Variants in SLC30A9 observed in about 807,000 individuals in gnomAD.
SLC30A9 encodes the protein proton-coupled zinc antiporter SLC30A9, mitochondrial.
A neutral mutation model predicts 87.5 loss-of-function variants in SLC30A9; 58 were observed. The observed-to-expected ratio is 0.66, with a 90% confidence interval of 0.54 to 0.82. SLC30A9 has a LOEUF of 0.82. SLC30A9 is among the 40% of genes least tolerant of loss of function. SLC30A9 has a pLI of 0.00. For missense variants in SLC30A9, 557 were observed against 679.1 expected, an observed-to-expected ratio of 0.82 and a Z score of 2.00; for synonymous variants, 234 against 233.0, an observed-to-expected ratio of 1.00 and a Z score of -0.04.
intron 8 of SLC30A9, among the ~76,000 whole-genome samples, chr4:42,044,921 G>A (rs960102574): frequency 5.3e-5 from 8 of 152,018 alleles, no homozygotes; most frequent in East Asian, 1.9e-4. Flanking sequence ...TCAAAACCGC[G>A]CAACTACATG....
intron 8 of SLC30A9, among the ~76,000 whole-genome samples, chr4:42,043,262 C>T (rs1209028500): frequency 2.6e-5 from 4 of 152,070 alleles, no homozygotes; most frequent in Non-Finnish European, 4.4e-5. Flanking sequence ...TGGGTAATAA[C>T]AAACTCCTCC....
In SLC30A9 at chr4:42,070,752, C is replaced by G. The variant is rs568870417; in HGVS notation, c.1418+61C>G. ...AAAAACATATTAAAAAACAGAAATG[C>G]CTGGTTTGTAAATACTTCCAGAGGA... On this transcript the variant is annotated intron_variant, in intron 15 of 17. Transcript: ENST00000264451. 21 of 1,402,006 alleles carry G rather than the reference C, an allele frequency of 1.5e-5. No homozygotes were observed. In the African/African-American group the frequency reaches 3.0e-4, roughly 20 times the overall value. 86.8% of individuals were successfully genotyped at this position (1,402,006 alleles called of 1,614,324 possible).
rs994290139 is a variant in SLC30A9 at position 42,087,126 on chromosome 4, A to G, written c.*1000A>G. ...GAAACTCATGGTCATGATTTTGTAT[A>G]ATATAGTTCATACTGTGTCTGTGAG... On this transcript the variant is annotated 3_prime_UTR_variant, in exon 18 of 18. Coordinates refer to ENST00000264451, the MANE Select transcript of SLC30A9 (RefSeq NM_006345.4). 6.6e-6 allele frequency: 1 copy of G among 152,162 alleles called. No homozygotes were observed. Among genetic ancestry groups the G allele is most frequent in the African/African-American group, 2.4e-5 (1 of 41,430 alleles). The allele number at this position is 152,162 out of a possible 1,614,324, so 9.4% of individuals were successfully genotyped here.
intron 15 of SLC30A9, among the ~76,000 whole-genome samples, chr4:42,071,477 A>G (rs987214293): frequency 6.6e-6 from 1 of 152,134 alleles, no homozygotes; most frequent in Non-Finnish European, 1.5e-5. Flanking sequence ...TTTAATCTTG[A>G]AAAGTAACTA....
chr4:42,046,692 A>G (rs1717167641), intron 8 of SLC30A9, among the ~76,000 whole-genome samples: 3 of 152,326 alleles, frequency 2.0e-5, no homozygotes, highest in Admixed American at 1.3e-4. Context: ...ATCCCCATCA[A>G]GCTACCATTG....
At chr4:42,033,616 C>T (rs1346663671) in intron 6 of SLC30A9, among the ~76,000 whole-genome samples, 1 of 152,062 alleles carries the variant, frequency 6.6e-6, no homozygotes, top group African/African-American at 2.4e-5. Flanking sequence ...CGCTCTGTGG[C>T]CCAGGCTGGA....
chr4:42,086,510 T>A lies in SLC30A9; in HGVS notation c.*384T>A, dbSNP rs1236522764. ...CATAGGATCATGATTTTTAATTTGT[T>A]GCCTCTGAAGATTTCACTCCATCAA... On this transcript the variant is annotated 3_prime_UTR_variant, in exon 18 of 18. Transcript: ENST00000264451. The A allele has an allele frequency of 6.3e-6, 1 of 159,436 alleles. No individual in the cohort carries two copies. The highest frequency in any genetic ancestry group is 1.4e-5 in the Non-Finnish European group (1 of 72,530). 9.9% of individuals were successfully genotyped at this position (159,436 alleles called of 1,614,324 possible). A position where few individuals can be genotyped will look rare whatever the true frequency, so the allele number is the denominator to read the frequency against.
At chr4:42,029,429 G>C in intron 6 of SLC30A9, 1 of 576,200 alleles carries the variant, frequency 1.7e-6, no homozygotes, top group Non-Finnish European at 3.3e-6. Context: ...CACATATCAG[G>C]ACCCCCACCA....
chr4:42,075,581 A>G, intron 15 of SLC30A9, 76 bp from the exon 16 acceptor site: 2 of 1,353,538 alleles, frequency 1.5e-6, no homozygotes, highest in Non-Finnish European at 2.1e-6. Flanking sequence ...ACAATAATTC[A>G]AGCCTTTGTG....
At position 42,001,748 on chromosome 4, in the gene SLC30A9, T is replaced by G; in HGVS notation, c.242T>G (p.Leu81Arg). The G allele has an allele frequency of 1.9e-6, 3 of 1,610,292 alleles. No homozygotes were observed. The highest frequency in any genetic ancestry group is 2.5e-6 in the Non-Finnish European group (3 of 1,178,366). Reference sequence around the variant, plus strand: ...AAAGAAGGACAGGGATCACAAACACTCAGAGTGGAAAAAGTACCATCATTT... The same window carrying G: ...AAAGAAGGACAGGGATCACAAACACGCAGAGTGGAAAAAGTACCATCATTT... ...VQKEGQGSQT[L>R]RVEKVPSFET... The change falls in exon 2 of 18, where the codon CTC (leucine) becomes CGC (arginine). Residue 81 changes from leucine to arginine, a missense_variant. By Grantham distance (102) the Leu-to-Arg change is moderately radical. This residue lies in a region of SLC30A9 where 467 missense variants were observed against 529.8 expected (regional missense o/e 0.88). Coordinates refer to ENST00000264451, the MANE Select transcript of SLC30A9 (RefSeq NM_006345.4).
At chr4:41,998,842 G>A (rs1373732432) in intron 1 of SLC30A9, among the ~76,000 whole-genome samples, 1 of 152,144 alleles carries the variant, frequency 6.6e-6, no homozygotes, top group Non-Finnish European at 1.5e-5. Flanking sequence ...TGAGTTAAAT[G>A]TGCTTCAGTA....
chr4:42,020,349 C>T (rs929251207), intron 3 of SLC30A9, 67 bp from the exon 4 acceptor site: 3 of 745,110 alleles, frequency 4.0e-6, no homozygotes, highest in Middle Eastern at 2.6e-4. Flanking sequence ...TAAGTATCAG[C>T]CTATATTCAT....
chr4:42,031,047 C>T (rs1169941443), intron 6 of SLC30A9, among the ~76,000 whole-genome samples: 1 of 151,690 alleles, frequency 6.6e-6, no homozygotes, highest in Non-Finnish European at 1.5e-5. Flanking sequence ...TTTTTTTCTG[C>T]AAGAAAAAGT....
At chr4:42,052,161 AAGT>A (rs1717407237) in intron 9 of SLC30A9, among the ~76,000 whole-genome samples, 1 of 152,048 alleles carries the variant, frequency 6.6e-6, no homozygotes, top group South Asian at 2.1e-4. Flanking sequence ...TAAATTCCAT[AAGT>A]AGTATCACAA....
chr4:42,020,091 TTCATTTTCATTTAGACCC>T (rs1715884928), intron 3 of SLC30A9, among the ~76,000 whole-genome samples: 1 of 152,180 alleles, frequency 6.6e-6, no homozygotes, highest in Admixed American at 6.5e-5. Context: ...AAAACTTCAG[TTCATTTTCATTTAGACCC>T]TAAGCAATTT....
intron 8 of SLC30A9, among the ~76,000 whole-genome samples, chr4:42,039,776 T>C (rs541013005): frequency 1.1e-4 from 16 of 152,256 alleles, no homozygotes; most frequent in African/African-American, 3.6e-4. Flanking sequence ...TTCCCCTTTT[T>C]CCCTCTATCT....
intron 16 of SLC30A9, among the ~76,000 whole-genome samples, chr4:42,077,080 G>A (rs1450726945): frequency 6.6e-6 from 1 of 152,022 alleles, no homozygotes; most frequent in East Asian, 1.9e-4. Context: ...TTTTAAATAG[G>A]TGGGCCATTG....
chr4:42,073,173 C>T lies in SLC30A9; in HGVS notation c.1418+2482C>T, dbSNP rs73235511. Among the ~76,000 whole-genome samples, 533 of 152,256 alleles carry T rather than the reference C, an allele frequency of 3.5e-3. 3 individuals carry two copies. The highest frequency in any genetic ancestry group is 5.5e-3 in the Non-Finnish European group (372 of 68,008). The stretch of plus-strand genomic sequence containing the variant: ...GAGCACCGTGCCCGGCCTCTGTATC[C>T]GTTACTGAAAGTATCGAAGTCTCTA... On this transcript the variant is annotated intron_variant, in intron 15 of 17. Transcript: ENST00000264451.
At chr4:42,016,131 T>G (rs1006987023) in intron 2 of SLC30A9, among the ~76,000 whole-genome samples, 1 of 152,176 alleles carries the variant, frequency 6.6e-6, no homozygotes, top group African/African-American at 2.4e-5. Flanking sequence ...AGTATTTTCC[T>G]CAGAGCAATT....
Sources: allele counts gnomAD v4.1 joint callset (sites outside exome capture counted in the v4.1 genomes callset), GRCh38; gene constraint gnomAD v4.1.1; regional missense constraint gnomAD v4.1.1; transcripts MANE v1.5; gene names NCBI Gene and HGNC (gene_info 2026-07-23, HGNC 2026-07-21).